The following PDGFC variants were observed in gnomAD, a reference collection of about 807,000 sequenced individuals.
PDGFC encodes the protein platelet-derived growth factor C.
Under a neutral mutation model 35.5 loss-of-function variants are expected in PDGFC, and 12 were observed. The ratio of observed to expected loss-of-function variants is 0.34; its 90% CI spans 0.22 to 0.55. The LOEUF (loss-of-function observed/expected upper bound fraction) is 0.55, where lower values mean the gene tolerates loss of function less well. Among genes scored for constraint, PDGFC ranks in the 20% least tolerant of loss-of-function variants. The probability of loss-of-function intolerance (pLI) is 0.91; values close to 1 mark genes in which losing one functional copy is unlikely to be tolerated. For missense variants in PDGFC, 322 were observed against 412.4 expected (o/e 0.78, Z 1.90); for synonymous variants, 159 against 148.8 (o/e 1.07, Z -0.50).
At chr4:156,927,241 T>A (rs1028559078) in intron 1 of PDGFC, among the ~76,000 whole-genome samples, 4 of 152,012 alleles carry the variant, frequency 2.6e-5, no homozygotes, top group African/African-American at 9.7e-5. Context: ...GGTTTCCAGG[T>A]CTGTGATGGG....
chr4:156,868,073 C>T (rs1178953994), intron 1 of PDGFC, among the ~76,000 whole-genome samples: 2 of 151,934 alleles, frequency 1.3e-5, no homozygotes, highest in Non-Finnish European at 2.9e-5. Flanking sequence ...CCTTGGCCTC[C>T]CAAAGTGCTG....
intron 3 of PDGFC, among the ~76,000 whole-genome samples, chr4:156,803,036 C>T (rs1731659554): frequency 6.6e-6 from 1 of 151,988 alleles, no homozygotes; most frequent in African/African-American, 2.4e-5. Flanking sequence ...TGCAAGAAAA[C>T]GTCAAAAGGA....
At chr4:156,953,565 A>G (rs1732136711) in intron 1 of PDGFC, among the ~76,000 whole-genome samples, 1 of 151,962 alleles carries the variant, frequency 6.6e-6, no homozygotes. Context: ...AGAAAAAAAG[A>G]TGTACTCTCA....
At chr4:156,965,935 C>T (rs1203414344) in intron 1 of PDGFC, among the ~76,000 whole-genome samples, 1 of 152,114 alleles carries the variant, frequency 6.6e-6, no homozygotes, top group Non-Finnish European at 1.5e-5. Context: ...AGCAGGGTTG[C>T]AGAAGTATCT....
At chr4:156,825,266 AG>A (rs2110994878) in intron 2 of PDGFC, among the ~76,000 whole-genome samples, 1 of 152,078 alleles carries the variant, frequency 6.6e-6, no homozygotes, top group South Asian at 2.1e-4. Context: ...TAAAAATTTA[AG>A]GCCAGGCGTG....
chr4:156,959,240 C>A (rs904164557), intron 1 of PDGFC, among the ~76,000 whole-genome samples: 1 of 151,964 alleles, frequency 6.6e-6, no homozygotes, highest in Non-Finnish European at 1.5e-5. Flanking sequence ...TAATGGATTT[C>A]CACGCACTAA....
chr4:156,926,751 G>A (rs765225467), intron 1 of PDGFC, among the ~76,000 whole-genome samples: 3 of 152,178 alleles, frequency 2.0e-5, no homozygotes, highest in Non-Finnish European at 4.4e-5. Flanking sequence ...TTTGTGGGCT[G>A]GCGTTGAGTG....
At chr4:156,955,999 A>C (rs981208760) in intron 1 of PDGFC, among the ~76,000 whole-genome samples, 6 of 152,006 alleles carry the variant, frequency 3.9e-5, no homozygotes, top group African/African-American at 1.2e-4. Context: ...CAAAAGTAGA[A>C]CATCCCTGAG....
intron 4 of PDGFC, among the ~76,000 whole-genome samples, chr4:156,771,132 A>C (rs1302707309): frequency 2.0e-5 from 3 of 152,224 alleles, no homozygotes; most frequent in African/African-American, 7.2e-5. Context: ...GAAAGTGTTA[A>C]ATGAATATCT....
chr4:156,866,342 T>C (rs2111128454), intron 1 of PDGFC, among the ~76,000 whole-genome samples: 1 of 152,330 alleles, frequency 6.6e-6, no homozygotes, highest in South Asian at 2.1e-4. Context: ...ACATTTTTTT[T>C]CTTTTTAACA....
rs942922219 is a variant in PDGFC, at chr4:156,777,296, T to G, written c.496-4403A>C. Reference sequence around the variant, plus strand: ...CTTAGAAAACTGATACCAAAAATGTTTAAATGAATATAGACACACGTTGTA... The same window carrying G: ...CTTAGAAAACTGATACCAAAAATGTGTAAATGAATATAGACACACGTTGTA... On this transcript the variant is annotated intron_variant, in intron 3 of 5. Transcript: ENST00000502773. Among the ~76,000 whole-genome samples the G allele has an allele frequency of 2.0e-4, 30 of 152,154 alleles. 1 individual carries two copies. Among genetic ancestry groups the G allele is most frequent in the Non-Finnish European group, 4.0e-4 (27 of 68,024 alleles).
chr4:156,923,161 G>A (rs1481540047), intron 1 of PDGFC, among the ~76,000 whole-genome samples: 1 of 151,998 alleles, frequency 6.6e-6, no homozygotes, highest in Non-Finnish European at 1.5e-5. Flanking sequence ...CCCCTTGCTA[G>A]CCTCTCCAGT....
chr4:156,819,898 G>A (rs939395294), intron 2 of PDGFC, among the ~76,000 whole-genome samples: 1 of 152,178 alleles, frequency 6.6e-6, no homozygotes, highest in African/African-American at 2.4e-5. Context: ...TTCATGGGAG[G>A]AGGTCAACAT....
At chr4:156,822,926 G>T (rs1184012867) in intron 2 of PDGFC, among the ~76,000 whole-genome samples, 2 of 151,864 alleles carry the variant, frequency 1.3e-5, no homozygotes, top group Non-Finnish European at 2.9e-5. Context: ...TAGAGATGGG[G>T]TTTCTCCGTG....
chr4:156,901,980 G>C (rs1030751913), intron 1 of PDGFC, among the ~76,000 whole-genome samples: 12 of 152,188 alleles, frequency 7.9e-5, no homozygotes, highest in African/African-American at 2.9e-4. Context: ...GCCAGGATAA[G>C]GGAAGTAGGA....
intron 1 of PDGFC, among the ~76,000 whole-genome samples, chr4:156,942,072 C>G (rs1731820840): frequency 1.3e-5 from 2 of 152,038 alleles, no homozygotes; most frequent in Admixed American, 1.3e-4. Context: ...CAAAAATACA[C>G]TCTTGAGCAC....
intron 1 of PDGFC, among the ~76,000 whole-genome samples, chr4:156,890,287 C>A (rs2111192432): frequency 6.6e-6 from 1 of 151,942 alleles, no homozygotes; most frequent in Non-Finnish European, 1.5e-5. Flanking sequence ...GATTTGTCCA[C>A]TGCAAAAAAA....
chr4:156,878,073 T>G (rs939876545), intron 1 of PDGFC, among the ~76,000 whole-genome samples: 2 of 152,222 alleles, frequency 1.3e-5, no homozygotes, highest in African/African-American at 4.8e-5. Flanking sequence ...CTTACCACCA[T>G]GCCCCAAGGC....
chr4:156,968,496 T>C (rs899747236), intron 1 of PDGFC, among the ~76,000 whole-genome samples: 1 of 151,994 alleles, frequency 6.6e-6, no homozygotes, highest in African/African-American at 2.4e-5. Context: ...TAATGGAAAA[T>C]TTGAAAGACA....
Sources: allele counts gnomAD v4.1 joint callset (sites outside exome capture counted in the v4.1 genomes callset), GRCh38; gene constraint gnomAD v4.1.1; transcripts MANE v1.5; gene names NCBI Gene and HGNC (gene_info 2026-07-23, HGNC 2026-07-21).